Variants in ADAMTSL1 observed in about 807,000 individuals in gnomAD.
ADAMTSL1 encodes the protein ADAMTS like 1, also known as ADAMTS-like protein 1.
ADAMTSL1 carries 126 observed loss-of-function variants against 201.8 expected under a neutral mutation model. The ratio of observed to expected loss-of-function variants is 0.62; its 90% CI spans 0.54 to 0.72. The LOEUF (loss-of-function observed/expected upper bound fraction) is 0.72. ADAMTSL1 is among the 30% of genes least tolerant of loss of function. The pLI is 0.00. For synonymous variants in ADAMTSL1, 1,121 were observed against 903.4 expected (o/e 1.24, Z -4.32); for missense variants, 2,679 against 2,277.8 (o/e 1.18, Z -3.59).
chr9:18,052,062 C>T (rs1821964352), intron 1 of ADAMTSL1, among the ~76,000 whole-genome samples: 1 of 152,202 alleles, frequency 6.6e-6, no homozygotes, highest in Admixed American at 6.5e-5. Flanking sequence ...AAGTAGAGCT[C>T]CTATTTTTAG....
chr9:18,310,993 G>A (rs1255504814), intron 2 of ADAMTSL1, among the ~76,000 whole-genome samples: 1 of 152,022 alleles, frequency 6.6e-6, no homozygotes, highest in Non-Finnish European at 1.5e-5. Flanking sequence ...AGAAAATGTG[G>A]CACATATACA....
intron 2 of ADAMTSL1, among the ~76,000 whole-genome samples, chr9:18,424,736 A>G (rs1587158384): frequency 1.3e-5 from 2 of 152,156 alleles, no homozygotes; most frequent in Admixed American, 1.3e-4. Context: ...AGCCATTCAG[A>G]CCTACCCAGC....
intron 1 of ADAMTSL1, among the ~76,000 whole-genome samples, chr9:18,055,297 T>C (rs1383413743): frequency 2.0e-5 from 3 of 152,134 alleles, no homozygotes; most frequent in Admixed American, 2.0e-4. Context: ...AACAGACTGG[T>C]TTCATTGACT....
rs189728555 is a variant in ADAMTSL1 at position 17,978,658 on chromosome 9, A to G, written c.87+71736A>G. On this transcript the variant is annotated intron_variant, in intron 1 of 29. Coordinates refer to the ADAMTSL1 transcript ENST00000680146. ...TACTCATTAACAAATTATTGTAACTATAAATGCCTTTGTCTTTTAATCTTT... is the reference window on the plus strand; with the variant it reads ...TACTCATTAACAAATTATTGTAACTGTAAATGCCTTTGTCTTTTAATCTTT... 2.3e-3 allele frequency among the ~76,000 whole-genome samples: 346 copies of G among 152,306 alleles called. 2 individuals are homozygous for G. Among genetic ancestry groups the G allele is most frequent in the African/African-American group, 7.9e-3 (327 of 41,588 alleles).
chr9:18,531,167 C>G (rs1340724227), intron 2 of ADAMTSL1, among the ~76,000 whole-genome samples: 1 of 152,166 alleles, frequency 6.6e-6, no homozygotes, highest in Admixed American at 6.6e-5. Flanking sequence ...TAATTTACAG[C>G]AAATAACAGA....
At chr9:18,701,596 A>G (rs1287234429) in intron 13 of ADAMTSL1, among the ~76,000 whole-genome samples, 1 of 152,158 alleles carries the variant, frequency 6.6e-6, no homozygotes, top group East Asian at 1.9e-4. Context: ...GCCACCACTC[A>G]CATACACAAA....
At chr9:18,554,782 T>C (rs1016655056) in intron 3 of ADAMTSL1, among the ~76,000 whole-genome samples, 4 of 151,566 alleles carry the variant, frequency 2.6e-5, no homozygotes, top group South Asian at 2.1e-4. Flanking sequence ...TTTCCATATG[T>C]CTCTGCCTAC....
chr9:18,645,119 T>A (rs1045945747), intron 7 of ADAMTSL1, among the ~76,000 whole-genome samples: 1 of 152,202 alleles, frequency 6.6e-6, no homozygotes, highest in Non-Finnish European at 1.5e-5. Context: ...GGTTTTGATT[T>A]GCATTTCTCT....
chr9:18,749,790 A>G (rs1819358979), intron 15 of ADAMTSL1, among the ~76,000 whole-genome samples: 1 of 152,246 alleles, frequency 6.6e-6, no homozygotes, highest in South Asian at 2.1e-4. Context: ...AAAGTCCTTA[A>G]TATACAGACA....
At chr9:17,916,096 A>C (rs1298929553) in intron 1 of ADAMTSL1, among the ~76,000 whole-genome samples, 2 of 152,062 alleles carry the variant, frequency 1.3e-5, no homozygotes, top group Non-Finnish European at 2.9e-5. Flanking sequence ...ATTTTTTTGT[A>C]CTTTTAGTGG....
At chr9:18,075,674 G>A (rs1328915153) in intron 1 of ADAMTSL1, among the ~76,000 whole-genome samples, 1 of 152,174 alleles carries the variant, frequency 6.6e-6, no homozygotes, top group Non-Finnish European at 1.5e-5. Flanking sequence ...GCCAACATCG[G>A]AAAATGGATT....
At chr9:18,853,288 C>T (rs1002436749) in intron 23 of ADAMTSL1, among the ~76,000 whole-genome samples, 1 of 152,224 alleles carries the variant, frequency 6.6e-6, no homozygotes, top group Non-Finnish European at 1.5e-5. Context: ...AGGGGCATTG[C>T]AGAGCCAGCT....
At chr9:18,295,717 C>T (rs540474405) in intron 2 of ADAMTSL1, among the ~76,000 whole-genome samples, 1 of 152,200 alleles carries the variant, frequency 6.6e-6, no homozygotes, top group South Asian at 2.1e-4. Context: ...AGGAATATGC[C>T]CACATTTTGC....
chr9:18,823,576 C>G (rs564687139), intron 21 of ADAMTSL1, among the ~76,000 whole-genome samples: 1 of 152,334 alleles, frequency 6.6e-6, no homozygotes, highest in South Asian at 2.1e-4. Context: ...CACTCTCACT[C>G]TCATTTTCTC....
At chr9:18,774,070 G>A (rs977169167) in intron 17 of ADAMTSL1, among the ~76,000 whole-genome samples, 6 of 152,098 alleles carry the variant, frequency 3.9e-5, no homozygotes, top group Non-Finnish European at 7.4e-5. Flanking sequence ...ATCATTTTTT[G>A]TTTGTTTTTT....
At chr9:18,373,019 A>C (rs1292405828) in intron 2 of ADAMTSL1, among the ~76,000 whole-genome samples, 1 of 152,204 alleles carries the variant, frequency 6.6e-6, no homozygotes, top group African/African-American at 2.4e-5. Context: ...GGAAAGCCTG[A>C]AGGAGGCTAG....
intron 14 of ADAMTSL1, among the ~76,000 whole-genome samples, chr9:18,711,121 T>C (rs772209969): frequency 1.6e-4 from 24 of 152,222 alleles, no homozygotes; most frequent in Middle Eastern, 3.2e-3. Flanking sequence ...TGTTACATCA[T>C]TAAAAAATTG....
chr9:18,268,660 C>G (rs1200137965), intron 2 of ADAMTSL1, among the ~76,000 whole-genome samples: 1 of 152,100 alleles, frequency 6.6e-6, no homozygotes, highest in Non-Finnish European at 1.5e-5. Context: ...GCAGTAGAGT[C>G]CTCTCTAAAT....
chr9:18,736,308 A>G (rs557014943), intron 15 of ADAMTSL1, among the ~76,000 whole-genome samples: 2 of 152,120 alleles, frequency 1.3e-5, no homozygotes, highest in Non-Finnish European at 2.9e-5. Flanking sequence ...GAGTAAGATG[A>G]CAGTTTGGGG....
Sources: gnomAD v4.1 joint callset for allele counts (sites outside exome capture counted in the v4.1 genomes callset) on GRCh38, gnomAD v4.1.1 for gene constraint, MANE v1.5 for transcripts, NCBI Gene and HGNC (gene_info 2026-07-23, HGNC 2026-07-21) for gene names.